The following MYCBP2 variants were observed in gnomAD, a reference collection of about 807,000 sequenced individuals.
MYCBP2 encodes the protein E3 ubiquitin-protein ligase MYCBP2.
Under a neutral mutation model 525.3 loss-of-function variants are expected in MYCBP2, and 120 were observed. The observed-to-expected ratio is 0.23, with a 90% confidence interval of 0.20 to 0.27. The LOEUF (loss-of-function observed/expected upper bound fraction) is 0.27, where lower values mean the gene tolerates loss of function less well. MYCBP2 is among the 10% of genes least tolerant of loss of function. The pLI is 1.00. For missense variants in MYCBP2, 4,149 were observed against 5,657.1 expected, an observed-to-expected ratio of 0.73 and a Z score of 8.55; for synonymous variants, 1,894 against 1,955.8, an observed-to-expected ratio of 0.97 and a Z score of 0.83.
chr13:77,300,142 A>T (rs2078617337), intron 1 of MYCBP2, among the ~76,000 whole-genome samples: 2 of 152,214 alleles, frequency 1.3e-5, no homozygotes, highest in African/African-American at 4.8e-5. Flanking sequence ...ATCCTCTAAA[A>T]TGCTAAGATT....
chr13:77,137,942 T>C (rs1268676469), intron 52 of MYCBP2, among the ~76,000 whole-genome samples: 43 of 152,088 alleles, frequency 2.8e-4, no homozygotes, highest in Non-Finnish European at 1.5e-5. Flanking sequence ...AAAGTCTATA[T>C]TGGAAAAAAA....
At chr13:77,137,178 A>G (rs1033244256) in intron 52 of MYCBP2, among the ~76,000 whole-genome samples, 1 of 152,174 alleles carries the variant, frequency 6.6e-6, no homozygotes. Context: ...GAGACTGTCT[A>G]CTACAGATTG....
chr13:77,191,499 TC>T (rs1409143125), intron 28 of MYCBP2, among the ~76,000 whole-genome samples, 179 bp downstream of exon 28: 2 of 152,336 alleles, frequency 1.3e-5, no homozygotes, highest in Non-Finnish European at 2.9e-5. Flanking sequence ...TCTTATTATC[TC>T]CTTGTTCTGT....
chr13:77,048,704 A>C (rs1044567360), intron 82 of MYCBP2, among the ~76,000 whole-genome samples: 1 of 152,070 alleles, frequency 6.6e-6, no homozygotes, highest in Non-Finnish European at 1.5e-5. Flanking sequence ...AATGGAGCAA[A>C]TATGTGTGAA....
chr13:77,164,330 G>A, intron 43 of MYCBP2, 124 bp downstream of exon 43: 1 of 650,066 alleles, frequency 1.5e-6, no homozygotes, highest in South Asian at 1.9e-5. Flanking sequence ...ACATGAAGCA[G>A]TTATTGCTCA....
At chr13:77,112,460 G>A (rs1319891709) in intron 55 of MYCBP2, among the ~76,000 whole-genome samples, 2 of 150,160 alleles carry the variant, frequency 1.3e-5, no homozygotes, top group Admixed American at 6.7e-5. Flanking sequence ...GTCTCACTCT[G>A]TTGCTCAGGC....
chr13:77,107,642 G>A (rs1235797668), intron 55 of MYCBP2, among the ~76,000 whole-genome samples: 6 of 152,138 alleles, frequency 3.9e-5, no homozygotes, highest in Non-Finnish European at 8.8e-5. Flanking sequence ...GGAGGCAGAG[G>A]TGGGAGGATC....
At chr13:77,159,965 A>C (rs2057691994) in intron 44 of MYCBP2, among the ~76,000 whole-genome samples, 1 of 152,186 alleles carries the variant, frequency 6.6e-6, no homozygotes, top group South Asian at 2.1e-4. Flanking sequence ...AAAGGAATAC[A>C]CATAAGATGC....
intron 62 of MYCBP2, among the ~76,000 whole-genome samples, 185 bp from the exon 63 acceptor site, chr13:77,083,377 T>C (rs528895941): frequency 6.6e-6 from 1 of 152,268 alleles, no homozygotes; most frequent in South Asian, 2.1e-4. Flanking sequence ...GGAAAAAAGC[T>C]GTAAGTTTAG....
At chr13:77,153,402 C>T (rs901956605) in intron 46 of MYCBP2, among the ~76,000 whole-genome samples, 5 of 152,212 alleles carry the variant, frequency 3.3e-5, no homozygotes, top group African/African-American at 7.2e-5. Flanking sequence ...ATGAGCCACA[C>T]GACACCCACG....
intron 73 of MYCBP2, among the ~76,000 whole-genome samples, chr13:77,063,319 A>G (rs1038694930): frequency 6.6e-6 from 1 of 152,186 alleles, no homozygotes; most frequent in Non-Finnish European, 1.5e-5. Flanking sequence ...GCACTTTGGG[A>G]GGCCAAGGTG....
chr13:77,049,691 A>G (rs2036337817), intron 82 of MYCBP2, among the ~76,000 whole-genome samples: 2 of 151,826 alleles, frequency 1.3e-5, no homozygotes, highest in Admixed American at 6.6e-5. Flanking sequence ...GCTGGAGTGC[A>G]GTGGCGCAAT....
intron 7 of MYCBP2, among the ~76,000 whole-genome samples, chr13:77,269,466 T>C (rs1327877104): frequency 6.6e-6 from 1 of 152,122 alleles, no homozygotes; most frequent in African/African-American, 2.4e-5. Flanking sequence ...CAAAACCCTG[T>C]CTCTACTAAA....
chr13:77,301,417 C>T (rs1594778291), intron 1 of MYCBP2, among the ~76,000 whole-genome samples: 1 of 93,314 alleles, frequency 1.1e-5, no homozygotes. Context: ...AGCAAGACTC[C>T]ATCTCAAAAA....
chr13:77,060,948 G>T (rs956879647), intron 76 of MYCBP2, among the ~76,000 whole-genome samples: 1 of 152,058 alleles, frequency 6.6e-6, no homozygotes, highest in Admixed American at 6.6e-5. Flanking sequence ...TGACTTGCTC[G>T]ACACCACACA....
chr13:77,047,203 G>T (rs1166981844), intron 82 of MYCBP2, among the ~76,000 whole-genome samples: 1 of 152,208 alleles, frequency 6.6e-6, no homozygotes, highest in Non-Finnish European at 1.5e-5. Context: ...GCTTACTACT[G>T]AGGCACTGTT....
intron 46 of MYCBP2, 95 bp from the exon 47 acceptor site, chr13:77,151,044 A>G: frequency 1.0e-6 from 1 of 998,954 alleles, no homozygotes; most frequent in South Asian, 1.5e-5. Flanking sequence ...ATAATTATGT[A>G]TACTTTATGT....
intron 76 of MYCBP2, 66 bp downstream of exon 76, chr13:77,061,103 C>A: frequency 1.3e-6 from 2 of 1,486,888 alleles, no homozygotes; most frequent in South Asian, 2.7e-5. Context: ...ACAGTTTAAT[C>A]AGTTGGCACG....
intron 27 of MYCBP2, among the ~76,000 whole-genome samples, chr13:77,193,347 T>C (rs2061465720): frequency 6.6e-6 from 1 of 152,186 alleles, no homozygotes; most frequent in Non-Finnish European, 1.5e-5. Flanking sequence ...TCTTTTGTTT[T>C]CAAAAGTATT....
Sources: allele counts gnomAD v4.1 joint callset (sites outside exome capture counted in the v4.1 genomes callset), GRCh38; gene constraint gnomAD v4.1.1; transcripts MANE v1.5; gene names NCBI Gene and HGNC (gene_info 2026-07-23, HGNC 2026-07-21).